MAP3K7CL: variants seen among roughly 807,000 people sequenced by gnomAD.
MAP3K7CL encodes the protein MAP3K7 C-terminal-like protein.
Under a neutral mutation model 18.6 loss-of-function variants are expected in MAP3K7CL, and 16 were observed. That is an observed-to-expected ratio of 0.86 (90% CI 0.58 to 1.31). The LOEUF (loss-of-function observed/expected upper bound fraction) is 1.31. MAP3K7CL is among the 50% of genes most tolerant of loss of function. MAP3K7CL has a pLI of 0.00. For synonymous variants in MAP3K7CL, 65 were observed against 66.8 expected (o/e 0.97, Z 0.13); for missense variants, 163 against 174.4 (o/e 0.93, Z 0.37).
chr21:29,092,656 G>T, intron 4 of MAP3K7CL: 2 of 1,563,824 alleles, frequency 1.3e-6, no homozygotes, highest in Non-Finnish European at 1.8e-6. Context: ...GGAGCCTAAG[G>T]CTGGTTGGGC....
At chr21:29,091,267 T>C (rs2146499821) in intron 1 of MAP3K7CL, among the ~76,000 whole-genome samples, 1 of 152,328 alleles carries the variant, frequency 6.6e-6, no homozygotes, top group South Asian at 2.1e-4. Context: ...TGACTAATTA[T>C]CCACCAATTT....
At chr21:29,159,821 A>C in intron 3 of MAP3K7CL, 120 bp from the exon 4 acceptor site, 1 of 617,716 alleles carries the variant, frequency 1.6e-6, no homozygotes, top group South Asian at 1.9e-5. Context: ...TGCTGTTCTC[A>C]CGTTAAAAAA....
At chr21:29,100,950 G>A (rs1203355427) in intron 4 of MAP3K7CL, among the ~76,000 whole-genome samples, 1 of 150,922 alleles carries the variant, frequency 6.6e-6, no homozygotes, top group Non-Finnish European at 1.5e-5. Context: ...CTGACCTCGT[G>A]ATCCGCCCGC....
intron 4 of MAP3K7CL, among the ~76,000 whole-genome samples, chr21:29,166,868 T>G (rs1284420583): frequency 1.3e-5 from 2 of 152,238 alleles, no homozygotes; most frequent in Non-Finnish European, 2.9e-5. Context: ...TATAAACATT[T>G]GTGTACAATT....
intron 2 of MAP3K7CL, among the ~76,000 whole-genome samples, chr21:29,135,594 G>A (rs559298803): frequency 6.6e-6 from 1 of 152,236 alleles, no homozygotes; most frequent in South Asian, 2.1e-4. Flanking sequence ...TCCATCTTTG[G>A]TTTGCCTGAA....
chr21:29,087,793 C>T (rs1025563263), intron 1 of MAP3K7CL, among the ~76,000 whole-genome samples: 1 of 151,936 alleles, frequency 6.6e-6, no homozygotes, highest in Non-Finnish European at 1.5e-5. Context: ...CGGGGTTTCA[C>T]TGAGTTAGCC....
chr21:29,091,380 T>G, intron 1 of MAP3K7CL: 3 of 541,758 alleles, frequency 5.5e-6, no homozygotes, highest in Middle Eastern at 9.5e-4. Flanking sequence ...AGTTGATTTT[T>G]AAGTCACTCT....
intron 4 of MAP3K7CL, among the ~76,000 whole-genome samples, chr21:29,165,562 A>G (rs953051595): frequency 6.6e-6 from 1 of 152,052 alleles, no homozygotes; most frequent in African/African-American, 2.4e-5. Context: ...ATATATTTTT[A>G]TAAACAATTT....
At chr21:29,078,032 GT>G in intron 1 of MAP3K7CL, among the ~76,000 whole-genome samples, 1 of 152,122 alleles carries the variant, frequency 6.6e-6, no homozygotes. Flanking sequence ...TTGTGTTAAA[GT>G]TTTAACCCCT....
chr21:29,126,148 G>C (rs1568949821), upstream of MAP3K7CL, among the ~76,000 whole-genome samples: 1 of 152,232 alleles, frequency 6.6e-6, no homozygotes, highest in Non-Finnish European at 1.5e-5. Flanking sequence ...ACTGTGGGGG[G>C]AGCTGTGCCT....
At chr21:29,092,644 T>C in intron 4 of MAP3K7CL, 1 of 1,593,150 alleles carries the variant, frequency 6.3e-7, no homozygotes, top group Non-Finnish European at 8.6e-7. Flanking sequence ...CACTGCACCA[T>C]GGGAGCCTAA....
chr21:29,089,168 C>CAAAAAAAAAAAAAAAAAAAAA (rs748166183), intron 1 of MAP3K7CL, among the ~76,000 whole-genome samples: 1 of 68,518 alleles, frequency 1.5e-5, no homozygotes, highest in African/African-American at 5.2e-5. Flanking sequence ...GACTCCGTCT[C>CAAAAAAAAAAAAAAAAAAAAA]AAAAAAAAAA....
intron 1 of MAP3K7CL, among the ~76,000 whole-genome samples, chr21:29,090,221 T>C (rs2085999745): frequency 6.6e-6 from 1 of 152,184 alleles, no homozygotes; most frequent in African/African-American, 2.4e-5. Context: ...CATCCACTTA[T>C]GACCAAAAGA....
intron 4 of MAP3K7CL, among the ~76,000 whole-genome samples, chr21:29,110,003 G>T (rs1242877642): frequency 4.6e-5 from 7 of 152,210 alleles, no homozygotes; most frequent in African/African-American, 1.7e-4. Context: ...GTACAATGCT[G>T]TATAAAGTGA....
chr21:29,101,152 T>C (rs986689817), intron 4 of MAP3K7CL, among the ~76,000 whole-genome samples: 3 of 152,118 alleles, frequency 2.0e-5, no homozygotes, highest in African/African-American at 7.2e-5. Flanking sequence ...TGGGTGTGGC[T>C]TCGCTGGATA....
intron 2 of MAP3K7CL, among the ~76,000 whole-genome samples, chr21:29,139,830 C>T (rs1173645309): frequency 2.0e-5 from 3 of 151,714 alleles, no homozygotes; most frequent in Admixed American, 6.6e-5. Context: ...GGTGACCGCC[C>T]GCCTTGGCCT....
At chr21:29,110,646 G>A (rs1359545362) in intron 4 of MAP3K7CL, among the ~76,000 whole-genome samples, 3 of 152,026 alleles carry the variant, frequency 2.0e-5, no homozygotes, top group African/African-American at 4.8e-5. Context: ...ATCCACCCCC[G>A]CTCAGTCTCC....
intron 4 of MAP3K7CL, among the ~76,000 whole-genome samples, chr21:29,105,599 G>A (rs1303406619): frequency 6.6e-6 from 1 of 152,122 alleles, no homozygotes; most frequent in Non-Finnish European, 1.5e-5. Context: ...TCCAGGCAGT[G>A]GGAAAAAACA....
In MAP3K7CL at chr21:29,162,842, A is replaced by ACT. The variant is rs1200189184; in HGVS notation, c.248+2787_248+2788insTC. 5.5e-3 allele frequency among the ~76,000 whole-genome samples: 834 copies of ACT among 152,180 alleles called. 1 individual carries two copies. Among genetic ancestry groups the ACT allele is most frequent in the Middle Eastern group, 0.024 (7 of 294 alleles). On this transcript the variant is annotated intron_variant, in intron 4 of 4. Transcript: ENST00000399928. ...AAAAAGGGGCCAGGCGCAGAGGCTC[A>ACT]CACCTGTAATCCCAGCACTTTGGGA...
Sources: gnomAD v4.1 joint callset for allele counts (sites outside exome capture counted in the v4.1 genomes callset) on GRCh38, gnomAD v4.1.1 for gene constraint, MANE v1.5 for transcripts, NCBI Gene and HGNC (gene_info 2026-07-23, HGNC 2026-07-21) for gene names.